GRM7: variants seen among roughly 807,000 people sequenced by gnomAD.
The protein encoded by GRM7 is glutamate metabotropic receptor 7.
GRM7 carries 35 observed loss-of-function variants against 84.5 expected under a neutral mutation model. The observed-to-expected ratio is 0.41, with a 90% CI of 0.32 to 0.55. The LOEUF is 0.55. Among genes scored for constraint, GRM7 ranks in the 20% least tolerant of loss-of-function variants. The pLI, the probability that GRM7 is intolerant of heterozygous loss-of-function variation, is 0.19. For synonymous variants in GRM7, 487 were observed against 455.1 expected (o/e 1.07, Z -0.89); for missense variants, 1,003 against 1,194.6 (o/e 0.84, Z 2.36).
At chr3:7,686,382 T>C (rs1486295515) in intron 9 of GRM7, 1 of 1,511,556 alleles carries the variant, frequency 6.6e-7, no homozygotes, top group Non-Finnish European at 9.2e-7. Context: ...TAAGAAAGAG[T>C]GTACAAAAGT....
intron 8 of GRM7, chr3:7,607,143 T>C (rs559322103): frequency 2.5e-4 from 38 of 152,330 alleles, no homozygotes; most frequent in Non-Finnish European, 4.3e-4. Context: ...AAAATGACAC[T>C]TGATTTTCGG....
At chr3:7,182,436 A>AAGAT (rs1695371606) in intron 2 of GRM7, among the ~76,000 whole-genome samples, 1 of 152,140 alleles carries the variant, frequency 6.6e-6, no homozygotes, top group East Asian at 1.9e-4. Flanking sequence ...TTGGGAGACG[A>AAGAT]TTGTATTTTG....
chr3:6,865,012 G>T (rs1209920357), intron 1 of GRM7, among the ~76,000 whole-genome samples: 1 of 152,194 alleles, frequency 6.6e-6, no homozygotes, highest in Non-Finnish European at 1.5e-5. Context: ...CTGAGGACAG[G>T]AATCATATTC....
chr3:7,650,362 CTT>C, intron 8 of GRM7, among the ~76,000 whole-genome samples: 1 of 152,296 alleles, frequency 6.6e-6, no homozygotes, highest in South Asian at 2.1e-4. Flanking sequence ...CTACCCGTCT[CTT>C]ATGCTGTGCA....
intron 1 of GRM7, among the ~76,000 whole-genome samples, chr3:6,909,750 C>T (rs1054080523): frequency 9.2e-5 from 14 of 152,070 alleles, no homozygotes; most frequent in African/African-American, 3.4e-4. Context: ...CAGGATCCTT[C>T]TGCACAATAT....
intron 1 of GRM7, among the ~76,000 whole-genome samples, chr3:7,120,023 C>A (rs2125042925): frequency 6.6e-6 from 1 of 151,956 alleles, no homozygotes; most frequent in South Asian, 2.1e-4. Context: ...TCCTCACAGT[C>A]CTACAAATAA....
chr3:7,404,464 A>G (rs1191707011), intron 4 of GRM7, among the ~76,000 whole-genome samples: 1 of 152,232 alleles, frequency 6.6e-6, no homozygotes, highest in Non-Finnish European at 1.5e-5. Flanking sequence ...TGAGAAAGAA[A>G]TAGAAATTAA....
At chr3:7,371,665 T>C (rs1422230250) in intron 4 of GRM7, among the ~76,000 whole-genome samples, 2 of 152,204 alleles carry the variant, frequency 1.3e-5, no homozygotes, top group Non-Finnish European at 2.9e-5. Context: ...GTCTCTTTTC[T>C]GTTTCTGTCT....
chr3:7,257,704 A>G (rs1420942613), intron 2 of GRM7, among the ~76,000 whole-genome samples: 2 of 152,174 alleles, frequency 1.3e-5, no homozygotes, highest in Non-Finnish European at 2.9e-5. Context: ...TGCTTTTGCT[A>G]CACCTTTCCT....
At chr3:7,308,180 C>G (rs927044745) in intron 4 of GRM7, among the ~76,000 whole-genome samples, 2 of 152,188 alleles carry the variant, frequency 1.3e-5, no homozygotes, top group Admixed American at 1.3e-4. Context: ...TTACAAGACA[C>G]TGGGGAGACC....
At chr3:7,295,947 G>T (rs1319303725) in intron 2 of GRM7, among the ~76,000 whole-genome samples, 5 of 151,886 alleles carry the variant, frequency 3.3e-5, no homozygotes, top group Non-Finnish European at 4.4e-5. Context: ...GTACAGTATT[G>T]AACAGGATAG....
chr3:7,464,649 T>C (rs971286673), intron 7 of GRM7, among the ~76,000 whole-genome samples: 4 of 151,814 alleles, frequency 2.6e-5, no homozygotes, highest in African/African-American at 7.3e-5. Context: ...GCTAACACTG[T>C]GAAACCCCGT....
Position 7,214,278 on chromosome 3 carries a change from A to G in GRM7, c.736+67610A>G, listed in dbSNP as rs184117113. Among the ~76,000 whole-genome samples the G allele has an allele frequency of 2.5e-4, 38 of 152,342 alleles. No individual in the cohort carries two copies. In the East Asian group the frequency reaches 7.3e-3, roughly 29 times the overall value. ...AAAGTGAGAAAACAACATTTCTAGAAAGAGCCTGTTAATTGGATTAACAAA... is the reference window on the plus strand; with the variant it reads ...AAAGTGAGAAAACAACATTTCTAGAGAGAGCCTGTTAATTGGATTAACAAA... On this transcript the variant is annotated intron_variant, in intron 2 of 9. Coordinates refer to ENST00000357716, the MANE Select transcript of GRM7 (RefSeq NM_000844.4).
chr3:7,509,483 T>C (rs1389514341), intron 7 of GRM7, among the ~76,000 whole-genome samples: 1 of 152,200 alleles, frequency 6.6e-6, no homozygotes, highest in East Asian at 1.9e-4. Flanking sequence ...AAGGAGGAAC[T>C]AATAAGATGT....
intron 1 of GRM7, among the ~76,000 whole-genome samples, chr3:7,144,257 C>G (rs898108631): frequency 6.6e-6 from 1 of 152,086 alleles, no homozygotes; most frequent in African/African-American, 2.4e-5. Flanking sequence ...AATATTCTTC[C>G]AAGCCTCAAT....
At chr3:6,888,828 G>C (rs932701465) in intron 1 of GRM7, among the ~76,000 whole-genome samples, 2 of 152,160 alleles carry the variant, frequency 1.3e-5, no homozygotes, top group East Asian at 3.9e-4. Flanking sequence ...TGGGCAGTAC[G>C]GCCATTTTCA....
chr3:6,903,718 A>G (rs1425074198), intron 1 of GRM7, among the ~76,000 whole-genome samples: 2 of 152,182 alleles, frequency 1.3e-5, no homozygotes, highest in African/African-American at 4.8e-5. Context: ...ATTATTCCCC[A>G]GAATAGCTTC....
At chr3:7,651,909 C>G (rs1240050857) in intron 8 of GRM7, among the ~76,000 whole-genome samples, 1 of 152,190 alleles carries the variant, frequency 6.6e-6, no homozygotes, top group Admixed American at 6.5e-5. Context: ...ACATACAGCT[C>G]AAGCTCTCAG....
intron 6 of GRM7, 110 bp from the exon 7 acceptor site, chr3:7,461,473 C>A: frequency 1.2e-6 from 1 of 852,798 alleles, no homozygotes; most frequent in Non-Finnish European, 1.9e-6. Context: ...AAGGGGATAT[C>A]TAGTAACTAC....
Sources: gnomAD v4.1 joint callset for allele counts (sites outside exome capture counted in the v4.1 genomes callset) on GRCh38, gnomAD v4.1.1 for gene constraint, MANE v1.5 for transcripts, NCBI Gene and HGNC (gene_info 2026-07-23, HGNC 2026-07-21) for gene names.